The following SEC31A variants were observed in gnomAD, a reference collection of about 807,000 sequenced individuals.
The protein encoded by SEC31A is SEC31 homolog A, COPII component.
A neutral mutation model predicts 151.0 loss-of-function variants in SEC31A; 70 were observed. The ratio of observed to expected loss-of-function variants is 0.46; its 90% CI spans 0.38 to 0.57. The LOEUF is 0.57. Among genes scored for constraint, SEC31A ranks in the 20% least tolerant of loss-of-function variants. The pLI is 0.00. For synonymous variants in SEC31A, 475 were observed against 505.9 expected (o/e 0.94, Z 0.82); for missense variants, 1,330 against 1,471.2 (o/e 0.90, Z 1.57).
At chr4:82,821,481 G>A (rs950174306) in intron 25 of SEC31A, 1 of 161,056 alleles carries the variant, frequency 6.2e-6, no homozygotes, top group Non-Finnish European at 1.3e-5. Context: ...CCAGGAGGTG[G>A]AGGTTGCAGT....
intron 18 of SEC31A, 64 bp downstream of exon 18, chr4:82,853,506 T>C: frequency 7.5e-7 from 1 of 1,339,208 alleles, no homozygotes; most frequent in East Asian, 2.6e-5. Context: ...AGATTATAAC[T>C]TGATGATAAG....
chr4:82,857,931 A>G (rs953268440), intron 14 of SEC31A, 167 bp from the exon 15 acceptor site: 2 of 500,738 alleles, frequency 4.0e-6, no homozygotes, highest in Non-Finnish European at 7.2e-6. Flanking sequence ...TGCCTTCCCT[A>G]AATATTACCT....
At chr4:82,892,932 CA>C (rs1180627569), upstream of SEC31A, 7 of 152,174 alleles carry the variant, frequency 4.6e-5, no homozygotes, top group Non-Finnish European at 7.4e-5. Context: ...CTTTAGTTCA[CA>C]AAACTAAATC....
chr4:82,857,652 T>TA (rs776836072), intron 15 of SEC31A, 37 bp downstream of exon 15: 52 of 1,320,062 alleles, frequency 3.9e-5, no homozygotes, highest in Middle Eastern at 1.8e-4. Flanking sequence ...TTCCAATGGT[T>TA]AAAAAAAATT....
intron 3 of SEC31A, among the ~76,000 whole-genome samples, chr4:82,879,937 C>G (rs959916863): frequency 1.3e-5 from 2 of 152,128 alleles, no homozygotes; most frequent in Non-Finnish European, 2.9e-5. Flanking sequence ...GAGATAATCA[C>G]TATTAATACT....
At chr4:82,846,132 T>C (rs1389865502) in intron 20 of SEC31A, among the ~76,000 whole-genome samples, 1 of 151,806 alleles carries the variant, frequency 6.6e-6, no homozygotes, top group East Asian at 1.9e-4. Context: ...GCCTCCTGAG[T>C]AGCTGGGACT....
intron 25 of SEC31A, among the ~76,000 whole-genome samples, chr4:82,823,603 C>G (rs1192282400): frequency 1.3e-5 from 2 of 152,154 alleles, no homozygotes; most frequent in Admixed American, 1.3e-4. Context: ...TGTGTGCTAG[C>G]AGAAAATGAA....
At position 82,866,800 on chromosome 4, in the gene SEC31A, C is replaced by CCACCTACTGAAAAAGAAG. The variant is rs759614551; in HGVS notation, c.1187_1197+7dup. 1.6e-5 allele frequency: 25 copies of CCACCTACTGAAAAAGAAG among 1,596,512 alleles called. No individual in the cohort carries two copies. The South Asian group carries it at 2.5e-4, about 16-fold the overall frequency. ...TGCCTATGGACCATAAAAACAAAAT[C>CCACCTACTGAAAAAGAAG]CACCTACTGAAAAAGAAGCACCAAC... is the stretch of plus-strand genomic sequence containing the variant. On this transcript the variant is annotated splice_region_variant and intron_variant, in intron 10 of 26. Coordinates refer to ENST00000395310, the MANE Select transcript of SEC31A (RefSeq NM_001077207.4).
intron 22 of SEC31A, among the ~76,000 whole-genome samples, 167 bp downstream of exon 22, chr4:82,841,971 CAA>C (rs879265374): frequency 7.0e-6 from 1 of 143,394 alleles, no homozygotes; most frequent in Non-Finnish European, 1.5e-5. Context: ...GACTCCATCA[CAA>C]AAAAAAAAAC....
intron 20 of SEC31A, 111 bp downstream of exon 20, chr4:82,848,693 T>G: frequency 1.2e-6 from 1 of 823,470 alleles, no homozygotes; most frequent in Non-Finnish European, 1.8e-6. Context: ...TATAACAATA[T>G]ATTGTCTAGT....
At chr4:82,846,673 C>T (rs547176222) in intron 20 of SEC31A, among the ~76,000 whole-genome samples, 16 of 150,744 alleles carry the variant, frequency 1.1e-4, no homozygotes, top group Non-Finnish European at 1.6e-4. Flanking sequence ...TTATGATTTC[C>T]TTAATTACAT....
intron 1 of SEC31A, among the ~76,000 whole-genome samples, chr4:82,882,346 G>A (rs1277749759): frequency 5.0e-5 from 7 of 140,954 alleles, no homozygotes; most frequent in African/African-American, 1.9e-4. Flanking sequence ...AGCTTGCAGT[G>A]AGTTGAGATT....
chr4:82,860,262 G>C lies in SEC31A; in HGVS notation c.1626+1369C>G, dbSNP rs74833232. On this transcript the variant is annotated intron_variant, in intron 14 of 26. Transcript: ENST00000395310. ...AAACAAATAGCTCATTGAGACAAAG[G>C]GGAAGATTTTACCTCCTTAAACACA... Among the ~76,000 whole-genome samples the C allele has an allele frequency of 7.3e-3, 1,114 of 152,020 alleles. 15 individuals carry two copies. The highest frequency in any genetic ancestry group is 0.01 in the Middle Eastern group (3 of 292).
upstream of SEC31A, chr4:82,895,456 T>G (rs1400169768): frequency 6.6e-6 from 1 of 152,146 alleles, no homozygotes; most frequent in Non-Finnish European, 1.5e-5. Flanking sequence ...GGCAACAGAG[T>G]GAGACTGTCA....
intron 3 of SEC31A, among the ~76,000 whole-genome samples, chr4:82,898,430 G>A (rs1720155314): frequency 6.6e-6 from 1 of 152,190 alleles, no homozygotes; most frequent in African/African-American, 2.4e-5. Context: ...GTGACCCCTT[G>A]CGGCTATTGC....
intron 22 of SEC31A, chr4:82,830,804 TA>T: frequency 1.6e-4 from 37 of 230,616 alleles, no homozygotes; most frequent in East Asian, 4.0e-4. Flanking sequence ...AGAAGCCAAA[TA>T]AAAAAAATGA....
At chr4:82,845,507 A>C (rs757743166) in intron 20 of SEC31A, among the ~76,000 whole-genome samples, 19 of 152,176 alleles carry the variant, frequency 1.2e-4, no homozygotes, top group Non-Finnish European at 2.5e-4. Context: ...AATCACAATG[A>C]AACAGGGAGA....
At chr4:82,856,004 T>A (rs905884872) in intron 16 of SEC31A, among the ~76,000 whole-genome samples, 2 of 152,200 alleles carry the variant, frequency 1.3e-5, no homozygotes, top group Non-Finnish European at 2.9e-5. Context: ...CAGAAATTTG[T>A]ACAAGTCTTT....
At chr4:82,864,311 C>T (rs765382784) in intron 11 of SEC31A, 51 bp downstream of exon 11, 1 of 1,215,590 alleles carries the variant, frequency 8.2e-7, no homozygotes, top group Non-Finnish European at 1.2e-6. Flanking sequence ...TATAAAGGAA[C>T]AGTTAAATTT....
Sources: gnomAD v4.1 joint callset for allele counts (sites outside exome capture counted in the v4.1 genomes callset) on GRCh38, gnomAD v4.1.1 for gene constraint, MANE v1.5 for transcripts, NCBI Gene and HGNC (gene_info 2026-07-23, HGNC 2026-07-21) for gene names.